The following NKAIN3 variants were observed in gnomAD, a reference collection of about 807,000 sequenced individuals.
NKAIN3 encodes sodium/potassium transporting ATPase interacting 3, also known as sodium/potassium-transporting ATPase subunit beta-1-interacting protein 3.
A neutral mutation model predicts 30.2 loss-of-function variants in NKAIN3; 25 were observed. The observed-to-expected ratio is 0.83, with a 90% CI of 0.60 to 1.16. The LOEUF is 1.16. NKAIN3 is among the 50% of genes most tolerant of loss of function. The pLI is 0.00. For synonymous variants in NKAIN3, 91 were observed against 89.6 expected (o/e 1.02, Z -0.09); for missense variants, 225 against 254.1 (o/e 0.89, Z 0.78).
chr8:62,931,747 G>A (rs1822625041), intron 5 of NKAIN3, among the ~76,000 whole-genome samples: 1 of 152,146 alleles, frequency 6.6e-6, no homozygotes, highest in Admixed American at 6.5e-5. Context: ...AAGGACATTA[G>A]ATTTGAATAC....
chr8:62,394,666 G>GTGGACAGA (rs1817679618), intron 1 of NKAIN3, among the ~76,000 whole-genome samples: 1 of 151,574 alleles, frequency 6.6e-6, no homozygotes, highest in Admixed American at 6.6e-5. Context: ...AGACCTGGCG[G>GTGGACAGA]CAGCGGGGCA....
intron 1 of NKAIN3, among the ~76,000 whole-genome samples, chr8:62,446,478 T>C (rs908810765): frequency 6.6e-6 from 1 of 152,066 alleles, no homozygotes; most frequent in Non-Finnish European, 1.5e-5. Context: ...TAACCTACAA[T>C]TTACAATTTT....
At chr8:62,636,389 C>T (rs1361955524) in intron 3 of NKAIN3, among the ~76,000 whole-genome samples, 1 of 152,012 alleles carries the variant, frequency 6.6e-6, no homozygotes, top group Non-Finnish European at 1.5e-5. Context: ...ATATATATAC[C>T]CTTAAGCACA....
intron 2 of NKAIN3, among the ~76,000 whole-genome samples, chr8:62,587,974 C>T (rs1205772660): frequency 1.3e-5 from 2 of 151,842 alleles, no homozygotes; most frequent in African/African-American, 4.8e-5. Flanking sequence ...TAAAAAATAC[C>T]TGTGCATTTA....
intron 3 of NKAIN3, among the ~76,000 whole-genome samples, chr8:62,704,663 G>A (rs1005891358): frequency 9.2e-5 from 14 of 152,172 alleles, no homozygotes; most frequent in African/African-American, 2.4e-4. Context: ...ATCCCAAAGA[G>A]AGCCTTCTAG....
At chr8:62,290,056 T>A (rs1813534493) in intron 1 of NKAIN3, among the ~76,000 whole-genome samples, 1 of 152,128 alleles carries the variant, frequency 6.6e-6, no homozygotes, top group African/African-American at 2.4e-5. Flanking sequence ...CTGTTATTGG[T>A]GTATAGGAAT....
chr8:62,652,832 G>C (rs938802384), intron 3 of NKAIN3, among the ~76,000 whole-genome samples: 6 of 152,084 alleles, frequency 3.9e-5, no homozygotes, highest in Non-Finnish European at 5.9e-5. Context: ...ACTGAGCCAC[G>C]GACAAGTTAT....
chr8:62,348,016 ATTTTTTATTGT>A (rs1019878401), intron 1 of NKAIN3, among the ~76,000 whole-genome samples: 15 of 124,768 alleles, frequency 1.2e-4, no homozygotes, highest in African/African-American at 3.7e-4. Context: ...AACTGTCGGT[ATTTTTTATTGT>A]TTTTTTATTG....
At chr8:62,805,003 A>G (rs1818221532) in intron 4 of NKAIN3, among the ~76,000 whole-genome samples, 1 of 152,186 alleles carries the variant, frequency 6.6e-6, no homozygotes, top group Non-Finnish European at 1.5e-5. Context: ...CTTATACACC[A>G]ATAACAGACA....
chr8:62,805,656 A>G (rs529132802), intron 4 of NKAIN3, among the ~76,000 whole-genome samples: 152 of 152,342 alleles, frequency 1.0e-3, no homozygotes, highest in Non-Finnish European at 1.9e-3. Context: ...TTAATTCACG[A>G]TGGATTAAAG....
chr8:62,366,979 T>C (rs1052358750), intron 1 of NKAIN3, among the ~76,000 whole-genome samples: 7 of 152,180 alleles, frequency 4.6e-5, no homozygotes, highest in African/African-American at 1.7e-4. Context: ...GTTGTTTCAT[T>C]TCCACATATT....
At chr8:62,369,931 C>T (rs183482618) in intron 1 of NKAIN3, among the ~76,000 whole-genome samples, 1 of 151,932 alleles carries the variant, frequency 6.6e-6, no homozygotes, top group South Asian at 2.1e-4. Context: ...AAAAAAAAGT[C>T]TTAAAGAACT....
Position 62,666,559 on chromosome 8 carries a change from AT to A in NKAIN3, c.273+76769del, listed in dbSNP as rs1235563880. ...GTTTTATCAGCTTTAAATATCTGTC[AT>A]TTTGTGATTTTTTTCTTATACTAAA... On this transcript the variant is annotated intron_variant, in intron 3 of 6. Transcript: ENST00000623646. Among the ~76,000 whole-genome samples the A allele has an allele frequency of 5.9e-5, 9 of 152,166 alleles. No homozygotes were observed. The South Asian group carries it at 1.9e-3, about 32-fold the overall frequency.
intron 1 of NKAIN3, among the ~76,000 whole-genome samples, chr8:62,393,734 T>C (rs1255757635): frequency 6.6e-6 from 1 of 152,078 alleles, no homozygotes; most frequent in Non-Finnish European, 1.5e-5. Flanking sequence ...AATAAAAAAG[T>C]ATATATTTCC....
At position 62,454,301 on chromosome 8, in the gene NKAIN3, CAAAA is replaced by C. The variant is rs201511724; in HGVS notation, c.55-125219_55-125216del. 9.8e-3 allele frequency among the ~76,000 whole-genome samples: 553 copies of C among 56,158 alleles called. 20 individuals are homozygous for C. The highest frequency in any genetic ancestry group is 0.025 in the African/African-American group (445 of 17,810). The allele number at this position is 56,158 out of a possible 152,430, so 36.8% of individuals were successfully genotyped here. ...ACCAACACTAACAATAGCTGATGTG[CAAAA>C]AAAAAAAAAAAAAAAAAATCTGAAA... On this transcript the variant is annotated intron_variant, in intron 1 of 6. Coordinates refer to ENST00000623646, the MANE Select transcript of NKAIN3 (RefSeq NM_001304533.3).
At chr8:62,452,927 G>A (rs1805695053) in intron 1 of NKAIN3, among the ~76,000 whole-genome samples, 2 of 152,222 alleles carry the variant, frequency 1.3e-5, no homozygotes, top group African/African-American at 4.8e-5. Context: ...TTTTGTAAGT[G>A]TACATCACTC....
At chr8:62,317,765 T>C (rs1002068504) in intron 1 of NKAIN3, among the ~76,000 whole-genome samples, 3 of 152,250 alleles carry the variant, frequency 2.0e-5, no homozygotes, top group Admixed American at 2.0e-4. Flanking sequence ...TGTGGACTCT[T>C]TTTTGGTTCC....
chr8:62,412,002 A>G (rs1190671101), intron 1 of NKAIN3, among the ~76,000 whole-genome samples: 1 of 152,216 alleles, frequency 6.6e-6, no homozygotes, highest in African/African-American at 2.4e-5. Flanking sequence ...TACAGATTCA[A>G]TGCTATTACT....
At chr8:62,433,986 G>C (rs896262051) in intron 1 of NKAIN3, among the ~76,000 whole-genome samples, 2 of 152,122 alleles carry the variant, frequency 1.3e-5, no homozygotes, top group African/African-American at 4.8e-5. Flanking sequence ...GCAGCAGTCA[G>C]CTGAGTCCTG....
Sources: allele counts gnomAD v4.1 joint callset (sites outside exome capture counted in the v4.1 genomes callset), GRCh38; gene constraint gnomAD v4.1.1; transcripts MANE v1.5; gene names NCBI Gene and HGNC (gene_info 2026-07-23, HGNC 2026-07-21).